The following NELL1 variants were observed in gnomAD, a reference collection of about 807,000 sequenced individuals.
The protein encoded by NELL1 is neural EGFL like 1, also known as protein kinase C-binding protein NELL1.
A neutral mutation model predicts 107.4 loss-of-function variants in NELL1; 76 were observed. That is an observed-to-expected ratio of 0.71 (90% confidence interval 0.59 to 0.86). The LOEUF (loss-of-function observed/expected upper bound fraction) is 0.86. Among genes scored for constraint, NELL1 ranks in the 40% least tolerant of loss-of-function variants. The pLI is 0.00. For synonymous variants in NELL1, 353 were observed against 341.2 expected (o/e 1.03, Z -0.38); for missense variants, 1,024 against 1,005.5 (o/e 1.02, Z -0.25).
chr11:21,141,734 C>A (rs1855872399), intron 13 of NELL1, among the ~76,000 whole-genome samples: 1 of 146,560 alleles, frequency 6.8e-6, no homozygotes, highest in Non-Finnish European at 1.5e-5. Flanking sequence ...CCTCCTCTAT[C>A]CTTTTTATTT....
chr11:20,977,351 GCCTCTCGGGTT>G (rs1851658899), intron 12 of NELL1, among the ~76,000 whole-genome samples: 1 of 148,934 alleles, frequency 6.7e-6, no homozygotes, highest in East Asian at 2.0e-4. Context: ...TGCAAGCTCC[GCCTCTCGGGTT>G]CACACCATTC....
chr11:21,082,627 C>G (rs181227227), intron 12 of NELL1, among the ~76,000 whole-genome samples: 4 of 152,204 alleles, frequency 2.6e-5, no homozygotes, highest in South Asian at 2.1e-4. Flanking sequence ...AGATCTTGCT[C>G]TAGCATTTGA....
intron 14 of NELL1, among the ~76,000 whole-genome samples, chr11:21,294,595 T>C (rs1267120528): frequency 6.6e-6 from 1 of 152,090 alleles, no homozygotes; most frequent in Non-Finnish European, 1.5e-5. Flanking sequence ...TTTGTATTTA[T>C]TTATTTTCGT....
At chr11:21,237,201 A>G (rs1365758808) in intron 14 of NELL1, among the ~76,000 whole-genome samples, 1 of 152,096 alleles carries the variant, frequency 6.6e-6, no homozygotes, top group African/African-American at 2.4e-5. Flanking sequence ...AAATTGGGCA[A>G]CTACCTGTAC....
chr11:20,742,857 C>T (rs1208788083), intron 2 of NELL1, among the ~76,000 whole-genome samples: 2 of 152,084 alleles, frequency 1.3e-5, no homozygotes, highest in Non-Finnish European at 2.9e-5. Context: ...CATAGCAGTG[C>T]TTTTTGGAGG....
At chr11:20,799,676 T>C (rs947772092) in intron 3 of NELL1, among the ~76,000 whole-genome samples, 17 of 151,974 alleles carry the variant, frequency 1.1e-4, no homozygotes, top group Admixed American at 4.6e-4. Flanking sequence ...TATGTATGTA[T>C]GTATGTATTA....
chr11:21,332,225 C>T (rs1437204844), intron 14 of NELL1, among the ~76,000 whole-genome samples: 1 of 152,000 alleles, frequency 6.6e-6, no homozygotes, highest in African/African-American at 2.4e-5. Context: ...TAAGGATGCA[C>T]TGCTTTGCGT....
intron 13 of NELL1, among the ~76,000 whole-genome samples, chr11:21,158,293 C>T (rs996676955): frequency 2.0e-5 from 3 of 152,104 alleles, no homozygotes; most frequent in Non-Finnish European, 4.4e-5. Context: ...AGCTTGCAGA[C>T]GGTCTGTTGT....
chr11:21,158,522 C>A (rs1294112232), intron 13 of NELL1, among the ~76,000 whole-genome samples: 1 of 152,182 alleles, frequency 6.6e-6, no homozygotes, highest in African/African-American at 2.4e-5. Flanking sequence ...AATACATAAT[C>A]ATTTGAATGT....
intron 14 of NELL1, among the ~76,000 whole-genome samples, chr11:21,261,420 T>G (rs1269050673): frequency 6.6e-6 from 1 of 151,808 alleles, no homozygotes; most frequent in Non-Finnish European, 1.5e-5. Context: ...TTTTATTTCT[T>G]TTATTATTTA....
chr11:21,570,891 A>T lies in NELL1; in HGVS notation c.2108A>T (p.Tyr703Phe). The change falls in exon 18 of 20, where the codon TAT becomes TTT. Residue 703 changes from tyrosine to phenylalanine, a missense_variant. Physicochemically the swap from Tyr to Phe is conservative, Grantham distance 22. Transcript: ENST00000357134. ...QCLDQNGHKLYRSGDNWTHSC... is the reference protein window; with the variant it reads ...QCLDQNGHKLFRSGDNWTHSC... ...TTAGACCAAAATGGTCACAAGCTGT[A>T]TCGAAGTGGAGACAATTGGACCCAT... is the stretch of plus-strand genomic sequence containing the variant. 1 of 1,611,880 alleles carries T rather than the reference A, an allele frequency of 6.2e-7. No homozygotes were observed. Among genetic ancestry groups the T allele is most frequent in the Non-Finnish European group, 8.5e-7 (1 of 1,178,592 alleles).
At chr11:21,394,289 G>A (rs766692987) in intron 15 of NELL1, among the ~76,000 whole-genome samples, 93 of 151,558 alleles carry the variant, frequency 6.1e-4, no homozygotes, top group Non-Finnish European at 1.0e-3. Context: ...CAGGGAGCCT[G>A]CTTCTAAGAT....
At chr11:20,835,724 G>A (rs78080886) in intron 3 of NELL1, among the ~76,000 whole-genome samples, 3,099 of 152,160 alleles carry the variant, frequency 0.02, 101 homozygotes, top group African/African-American at 0.071. Context: ...TGGGACATTC[G>A]TATTCAAAAG....
chr11:21,472,482 G>C (rs1204275414), intron 15 of NELL1, among the ~76,000 whole-genome samples: 2 of 151,870 alleles, frequency 1.3e-5, no homozygotes, highest in African/African-American at 2.4e-5. Flanking sequence ...CCCGCTACCA[G>C]GTTTGCAGTT....
At chr11:21,268,037 T>G (rs192568661) in intron 14 of NELL1, among the ~76,000 whole-genome samples, 64 of 152,184 alleles carry the variant, frequency 4.2e-4, no homozygotes, top group Non-Finnish European at 8.7e-4. Context: ...AGTTAGAAAA[T>G]TTAGTGAAGT....
intron 14 of NELL1, among the ~76,000 whole-genome samples, chr11:21,328,004 G>A (rs1402440304): frequency 6.6e-6 from 1 of 152,148 alleles, no homozygotes; most frequent in Non-Finnish European, 1.5e-5. Flanking sequence ...ATGTGATGAT[G>A]TGTTAGAAAA....
At chr11:20,933,876 A>C (rs911214624) in intron 9 of NELL1, among the ~76,000 whole-genome samples, 12 of 152,190 alleles carry the variant, frequency 7.9e-5, no homozygotes, top group Admixed American at 7.9e-4. Flanking sequence ...TTATATCCTC[A>C]GTACATTTTG....
At chr11:20,719,161 T>C (rs1855319571) in intron 2 of NELL1, among the ~76,000 whole-genome samples, 1 of 152,228 alleles carries the variant, frequency 6.6e-6, no homozygotes, top group Admixed American at 6.5e-5. Flanking sequence ...TTTCTTCTCA[T>C]CACAAATATT....
intron 7 of NELL1, among the ~76,000 whole-genome samples, chr11:20,921,790 T>TTG (rs200243340): frequency 1.7e-4 from 17 of 100,314 alleles, no homozygotes; most frequent in South Asian, 5.2e-4. Flanking sequence ...CTCTTTTTTA[T>TTG]TGTGTGTGTT....
Sources: gnomAD v4.1 joint callset for allele counts (sites outside exome capture counted in the v4.1 genomes callset) on GRCh38, gnomAD v4.1.1 for gene constraint, MANE v1.5 for transcripts, NCBI Gene and HGNC (gene_info 2026-07-23, HGNC 2026-07-21) for gene names.